The following DPP10 variants were observed in gnomAD, a reference collection of about 807,000 sequenced individuals.
DPP10 encodes the protein dipeptidyl peptidase like 10.
A neutral mutation model predicts 120.9 loss-of-function variants in DPP10; 33 were observed. That is an observed-to-expected ratio of 0.27 (90% CI 0.21 to 0.37). The LOEUF (loss-of-function observed/expected upper bound fraction) is 0.37, where lower values mean the gene tolerates loss of function less well. Ranked by LOEUF, DPP10 falls within the 10% of genes least tolerant of loss-of-function variation. DPP10 has a pLI of 1.00. For missense variants in DPP10, 816 were observed against 942.8 expected (o/e 0.87, Z 1.76); for synonymous variants, 337 against 326.1 (o/e 1.03, Z -0.36).
chr2:115,398,396 G>A (rs2067836766), intron 3 of DPP10, among the ~76,000 whole-genome samples: 1 of 152,080 alleles, frequency 6.6e-6, no homozygotes, highest in Non-Finnish European at 1.5e-5. Flanking sequence ...GTGCCTTAGA[G>A]GAGTTCATTC....
At chr2:115,294,974 T>G (rs909187569) in intron 1 of DPP10, among the ~76,000 whole-genome samples, 2 of 152,068 alleles carry the variant, frequency 1.3e-5, no homozygotes, top group Non-Finnish European at 2.9e-5. Context: ...AATGAAAATA[T>G]TTTTAAAAAG....
chr2:114,893,538 A>G (rs1692716586), intron 1 of DPP10, among the ~76,000 whole-genome samples: 1 of 152,162 alleles, frequency 6.6e-6, no homozygotes, highest in Non-Finnish European at 1.5e-5. Context: ...GAGAACCAGC[A>G]TGAAGAAGAG....
chr2:115,638,353 T>C (rs957506802), intron 5 of DPP10, among the ~76,000 whole-genome samples: 3 of 152,230 alleles, frequency 2.0e-5, no homozygotes, highest in Admixed American at 2.0e-4. Flanking sequence ...TGGCCAACCA[T>C]GCAGTAAGAA....
At chr2:114,545,211 TTAAA>T (rs533877176) in intron 1 of DPP10, among the ~76,000 whole-genome samples, 195 of 152,246 alleles carry the variant, frequency 1.3e-3, no homozygotes, top group African/African-American at 4.4e-3. Flanking sequence ...AATTAAATCA[TTAAA>T]TAATTGATAA....
intron 1 of DPP10, among the ~76,000 whole-genome samples, chr2:115,112,629 A>C (rs181854266): frequency 2.0e-5 from 3 of 152,224 alleles, no homozygotes; most frequent in Non-Finnish European, 4.4e-5. Context: ...TACATACTGC[A>C]TGATCTCACT....
At chr2:115,296,662 A>G (rs973699901) in intron 1 of DPP10, among the ~76,000 whole-genome samples, 2 of 152,034 alleles carry the variant, frequency 1.3e-5, no homozygotes, top group African/African-American at 4.8e-5. Flanking sequence ...ATCCTATCAC[A>G]TTTAGCATCT....
At chr2:115,210,326 C>T (rs1430468404) in intron 1 of DPP10, among the ~76,000 whole-genome samples, 1 of 152,126 alleles carries the variant, frequency 6.6e-6, no homozygotes, top group Non-Finnish European at 1.5e-5. Context: ...CAGCTTCATC[C>T]ATGTCCCTAC....
chr2:114,555,936 A>C (rs1688256139), intron 1 of DPP10, among the ~76,000 whole-genome samples: 1 of 152,130 alleles, frequency 6.6e-6, no homozygotes, highest in Non-Finnish European at 1.5e-5. Context: ...TGGGCCAGGA[A>C]GGCATGGATG....
At chr2:114,796,038 T>C (rs948334901) in intron 1 of DPP10, among the ~76,000 whole-genome samples, 3 of 152,226 alleles carry the variant, frequency 2.0e-5, no homozygotes, top group Non-Finnish European at 2.9e-5. Context: ...CAAGTGTTCC[T>C]ACTGTCCACT....
rs771586751 is a variant in DPP10 at position 115,777,878 on chromosome 2, A to G, written c.1361+44A>G. ...TCTCCTTACACAGATTGGCTTCTCA[A>G]TGGCTATCTATGTAGCATAAGGAAG... On this transcript the variant is annotated intron_variant, in intron 15 of 25. Transcript: ENST00000410059. The G allele has an allele frequency of 1.3e-5, 21 of 1,586,026 alleles. 1 individual carries two copies. The highest frequency in any genetic ancestry group is 1.2e-4 in the South Asian group (11 of 88,534).
intron 5 of DPP10, among the ~76,000 whole-genome samples, chr2:115,658,417 T>C (rs1384598262): frequency 6.6e-6 from 1 of 152,002 alleles, no homozygotes; most frequent in Admixed American, 6.6e-5. Flanking sequence ...GAATTCGATG[T>C]CTTAAAATCT....
intron 3 of DPP10, among the ~76,000 whole-genome samples, chr2:115,469,201 A>G (rs528020514): frequency 4.6e-5 from 7 of 152,200 alleles, no homozygotes; most frequent in Non-Finnish European, 2.9e-5. Flanking sequence ...ATTATTGTCT[A>G]AAGAAAATAG....
chr2:115,256,236 A>G (rs777226209), intron 1 of DPP10, among the ~76,000 whole-genome samples: 13 of 152,026 alleles, frequency 8.6e-5, no homozygotes, highest in Admixed American at 1.3e-4. Flanking sequence ...AAAGGGGGAA[A>G]AGCCATTTAT....
intron 8 of DPP10, 122 bp from the exon 9 acceptor site, chr2:115,739,617 A>T (rs1677004061): frequency 3.8e-6 from 4 of 1,052,880 alleles, no homozygotes; most frequent in Non-Finnish European, 5.5e-6. Flanking sequence ...AGGGAAGTTA[A>T]TAAAATTCAA....
At chr2:115,745,912 A>G (rs1392758801) in intron 9 of DPP10, among the ~76,000 whole-genome samples, 174 bp from the exon 10 acceptor site, 1 of 152,202 alleles carries the variant, frequency 6.6e-6, no homozygotes, top group Admixed American at 6.5e-5. Context: ...GCAATCTTCA[A>G]AAACAATTGA....
At chr2:115,386,142 A>C (rs1354016971) in intron 3 of DPP10, among the ~76,000 whole-genome samples, 1 of 152,190 alleles carries the variant, frequency 6.6e-6, no homozygotes, top group Non-Finnish European at 1.5e-5. Flanking sequence ...AACTTTATAA[A>C]GGAGGAAAGA....
At chr2:114,568,102 T>G (rs1441581056) in intron 1 of DPP10, among the ~76,000 whole-genome samples, 1 of 150,214 alleles carries the variant, frequency 6.7e-6, no homozygotes, top group African/African-American at 2.5e-5. Flanking sequence ...AGTGGTTCAG[T>G]CTAGATTTGA....
At chr2:114,961,470 TGC>T (rs577744737) in intron 1 of DPP10, among the ~76,000 whole-genome samples, 2 of 142,414 alleles carry the variant, frequency 1.4e-5, no homozygotes, top group African/African-American at 5.2e-5. Context: ...TGTGTGTGTG[TGC>T]GCGCGCACAT....
intron 5 of DPP10, among the ~76,000 whole-genome samples, chr2:115,593,970 A>T (rs143791438): frequency 2.6e-5 from 4 of 152,184 alleles, no homozygotes; most frequent in African/African-American, 9.7e-5. Flanking sequence ...GATACCTATT[A>T]TGAAGTGGGT....
Sources: gnomAD v4.1 joint callset for allele counts (sites outside exome capture counted in the v4.1 genomes callset) on GRCh38, gnomAD v4.1.1 for gene constraint, MANE v1.5 for transcripts, NCBI Gene and HGNC (gene_info 2026-07-23, HGNC 2026-07-21) for gene names.